Variants in GABRA5 observed in about 807,000 individuals in gnomAD.
GABRA5 encodes gamma-aminobutyric acid type A receptor subunit alpha5, also known as gamma-aminobutyric acid receptor subunit alpha-5.
Under a neutral mutation model 47.3 loss-of-function variants are expected in GABRA5, and 18 were observed. The observed-to-expected ratio is 0.38, with a 90% CI of 0.26 to 0.56. GABRA5 has a LOEUF of 0.56. Ranked by LOEUF, GABRA5 falls within the 20% of genes least tolerant of loss-of-function variation. The pLI, the probability that GABRA5 is intolerant of heterozygous loss-of-function variation, is 0.71. For missense variants in GABRA5, 365 were observed against 599.3 expected (o/e 0.61, Z 4.08); for synonymous variants, 237 against 229.3 (o/e 1.03, Z -0.30).
intron 6 of GABRA5, among the ~76,000 whole-genome samples, chr15:26,893,850 C>T (rs575215770): frequency 5.3e-5 from 8 of 152,142 alleles, no homozygotes; most frequent in African/African-American, 1.7e-4. Flanking sequence ...CAGCATGGAC[C>T]GGGGCGTCAG....
At chr15:26,872,245 G>A (rs1416228842) in intron 3 of GABRA5, among the ~76,000 whole-genome samples, 1 of 152,208 alleles carries the variant, frequency 6.6e-6, no homozygotes, top group Non-Finnish European at 1.5e-5. Flanking sequence ...ACAACGTGGA[G>A]CACCTGTCTT....
intron 3 of GABRA5, 106 bp from the exon 4 acceptor site, chr15:26,880,740 G>T (rs879212196): frequency 2.6e-6 from 3 of 1,174,412 alleles, no homozygotes; most frequent in African/African-American, 1.5e-5. Context: ...TCAGATCCTC[G>T]TCTCAGGAGA....
intron 10 of GABRA5, 77 bp downstream of exon 10, chr15:26,943,503 C>T: frequency 7.7e-7 from 1 of 1,299,442 alleles, no homozygotes; most frequent in East Asian, 2.5e-5. Context: ...AAACATGAGA[C>T]AAGGTGCTGC....
rs748825379 is a variant in GABRA5, at chr15:26,943,224, C to T, written c.887C>T (p.Thr296Met). The T allele has an allele frequency of 1.3e-6, 2 of 1,553,758 alleles. No homozygotes were observed. The highest frequency in any genetic ancestry group is 2.0e-5 in the Admixed American group (1 of 51,266). The stretch of plus-strand genomic sequence containing the variant: ...TGCCTGACCCCCGCAGGGGTCACCA[C>T]GGTGCTGACCATGACGACCCTCAGC... The part of the protein sequence containing the change: ...VPARTVFGVT[T>M]VLTMTTLSIS... The change falls in exon 10 of 11, where the codon ACG (threonine) becomes ATG (methionine). Residue 296 changes from threonine to methionine, a missense_variant. Thr to Met is a moderately conservative substitution (Grantham distance 81, BLOSUM62 -1). Coordinates refer to ENST00000335625, the MANE Select transcript of GABRA5 (RefSeq NM_000810.4).
At position 26,937,879 on chromosome 15, in the gene GABRA5, G is replaced by A. The variant is rs140821027; in HGVS notation, c.724+551G>A. On this transcript the variant is annotated intron_variant, in intron 8 of 10. Coordinates refer to ENST00000335625, the MANE Select transcript of GABRA5 (RefSeq NM_000810.4). ...GGAAACCAAAGAAACAGGATGCATT[G>A]CATCTCCAGAGCCTGCAAGTTATGT... 2.8e-3 allele frequency among the ~76,000 whole-genome samples: 426 copies of A among 152,358 alleles called. 3 individuals carry two copies. The highest frequency in any genetic ancestry group is 9.7e-3 in the African/African-American group (405 of 41,582).
At chr15:26,920,427 A>G (rs1893816521) in intron 7 of GABRA5, among the ~76,000 whole-genome samples, 1 of 151,598 alleles carries the variant, frequency 6.6e-6, no homozygotes, top group Non-Finnish European at 1.5e-5. Context: ...CTGTTATTGT[A>G]TTCTTTAACT....
chr15:26,947,464 G>T (rs1248721614), intron 10 of GABRA5, among the ~76,000 whole-genome samples: 6 of 152,140 alleles, frequency 3.9e-5, no homozygotes, highest in African/African-American at 1.4e-4. Context: ...TTGGTTTTCT[G>T]TTTCTGTGTT....
At chr15:26,936,547 GTCCAGAACCTGAAT>G (rs1450096610) in intron 7 of GABRA5, among the ~76,000 whole-genome samples, 6 of 152,156 alleles carry the variant, frequency 3.9e-5, no homozygotes, top group Non-Finnish European at 7.4e-5. Context: ...TGATATTAAG[GTCCAGAACCTGAAT>G]TCCATGTGCA....
chr15:26,900,504 C>T (rs901658966), intron 6 of GABRA5, among the ~76,000 whole-genome samples: 4 of 152,052 alleles, frequency 2.6e-5, no homozygotes, highest in African/African-American at 4.8e-5. Context: ...CTTATAGCAA[C>T]GAACTCCCTC....
Position 26,868,720 on chromosome 15 carries a change from C to G in GABRA5, c.-139-9C>G, listed in dbSNP as rs1291562113. On this transcript the variant is annotated splice_polypyrimidine_tract_variant and intron_variant, in intron 1 of 10. Coordinates refer to ENST00000335625, the MANE Select transcript of GABRA5 (RefSeq NM_000810.4). ...GCTTTTCCCCACTTCTTTCCACGTACTTTCTCAGTGCCTTGCAGAGAGAGG... is the reference window on the plus strand; with the variant it reads ...GCTTTTCCCCACTTCTTTCCACGTAGTTTCTCAGTGCCTTGCAGAGAGAGG... The G allele has an allele frequency of 6.5e-6, 1 of 153,340 alleles. No individual in the cohort carries two copies. The highest frequency in any genetic ancestry group is 1.5e-5 in the Non-Finnish European group (1 of 68,784). 9.5% of individuals were successfully genotyped at this position (153,340 alleles called of 1,614,324 possible). A position where few individuals can be genotyped will look rare whatever the true frequency, so the allele number is the denominator to read the frequency against.
chr15:26,937,073 G>A (rs2140580628), intron 7 of GABRA5, 112 bp from the exon 8 acceptor site: 1 of 1,355,778 alleles, frequency 7.4e-7, no homozygotes, highest in East Asian at 2.3e-5. Flanking sequence ...ATGGAACCTT[G>A]ACTTTTCAAA....
At chr15:26,903,366 A>T (rs1893369757) in intron 6 of GABRA5, among the ~76,000 whole-genome samples, 1 of 152,084 alleles carries the variant, frequency 6.6e-6, no homozygotes, top group African/African-American at 2.4e-5. Flanking sequence ...TTTGATGGGC[A>T]TTTAGGTTGG....
chr15:26,909,831 G>A (rs956559959), intron 6 of GABRA5, among the ~76,000 whole-genome samples: 14 of 152,124 alleles, frequency 9.2e-5, no homozygotes, highest in Non-Finnish European at 1.8e-4. Flanking sequence ...ACAGGTTTGG[G>A]GTTTTGTGCA....
At chr15:26,896,739 G>A (rs148667066) in intron 6 of GABRA5, among the ~76,000 whole-genome samples, 6,365 of 152,138 alleles carry the variant, frequency 0.042, 141 homozygotes, top group Middle Eastern at 0.12. Context: ...AAGAAATTGC[G>A]TAGTGATGAG....
chr15:26,940,029 G>A lies in GABRA5; in HGVS notation c.829G>A (p.Val277Met), dbSNP rs748866335. Residue 277 changes from valine (V) to methionine (M), a missense_variant, in exon 9 of 11, where the codon GTG (valine) becomes ATG (methionine). Val to Met is a conservative substitution (Grantham distance 21). Around this residue, in one of 3 missense-constraint regions of GABRA5, gnomAD observed 43 missense variants for 133.7 expected, o/e 0.32. Transcript: ENST00000335625. ...CATAATGACCGTGATCTTATCACAGGTGTCCTTTTGGCTGAACCGGGAATC... is the reference window on the plus strand; with the variant it reads ...CATAATGACCGTGATCTTATCACAGATGTCCTTTTGGCTGAACCGGGAATC... ...PCIMTVILSQVSFWLNRESVP... is the reference protein window; with the variant it reads ...PCIMTVILSQMSFWLNRESVP... 6 of 1,613,958 alleles carry A rather than the reference G, an allele frequency of 3.7e-6. No homozygotes were observed. In the South Asian group the frequency reaches 4.4e-5, roughly 12 times the overall value.
chr15:26,869,085 ATTG>A, intron 2 of GABRA5, 87 bp from the exon 3 acceptor site: 1 of 588,206 alleles, frequency 1.7e-6, no homozygotes. Context: ...TTCTTTGCAA[ATTG>A]TTGTGATAGC....
intron 3 of GABRA5, among the ~76,000 whole-genome samples, chr15:26,875,727 G>A (rs950567962): frequency 5.3e-5 from 8 of 151,978 alleles, no homozygotes; most frequent in African/African-American, 1.9e-4. Context: ...AGGAAGGGCT[G>A]GGGTTGGGAT....
At position 26,869,332 on chromosome 15, in the gene GABRA5, T is replaced by C. The variant is rs1892405888; in HGVS notation, c.84T>C (p.Phe28=). 1 of 1,585,620 alleles carries C rather than the reference T, an allele frequency of 6.3e-7. No homozygotes were observed. The highest frequency in any genetic ancestry group is 2.2e-5 in the East Asian group (1 of 44,722). ...TTTCCATGAACTTATCCAGTCACTT[T>C]GGGTAAGTTACCATCTGTGCTTTTA... ...FCISMNLSSH[F]GFSQMPTSSV... The change falls in exon 3 of 11, where the codon TTT becomes TTC. Residue 28 remains phenylalanine (F), a splice_region_variant and synonymous_variant. Coordinates refer to ENST00000335625, the MANE Select transcript of GABRA5 (RefSeq NM_000810.4).
intron 3 of GABRA5, among the ~76,000 whole-genome samples, chr15:26,878,072 C>T (rs1485237778): frequency 2.6e-5 from 4 of 152,190 alleles, no homozygotes; most frequent in African/African-American, 7.2e-5. Context: ...TGACCCTAAA[C>T]GGAGTGAGCG....
Sources: gnomAD v4.1 joint callset for allele counts (sites outside exome capture counted in the v4.1 genomes callset) on GRCh38, gnomAD v4.1.1 for gene constraint, gnomAD v4.1.1 regional missense constraint, MANE v1.5 for transcripts, NCBI Gene and HGNC (gene_info 2026-07-23, HGNC 2026-07-21) for gene names.